Variants in ZC3H14 observed in about 807,000 individuals in gnomAD.
The protein encoded by ZC3H14 is zinc finger CCCH domain-containing protein 14.
ZC3H14 carries 31 observed loss-of-function variants against 92.4 expected under a neutral mutation model. The ratio of observed to expected loss-of-function variants is 0.34; its 90% CI spans 0.25 to 0.45. ZC3H14 has a LOEUF of 0.45. Ranked by LOEUF, ZC3H14 falls within the 20% of genes least tolerant of loss-of-function variation. The probability of loss-of-function intolerance (pLI) is 1.00; values close to 1 mark genes in which losing one functional copy is unlikely to be tolerated. For synonymous variants in ZC3H14, 321 were observed against 300.9 expected (o/e 1.07, Z -0.69); for missense variants, 781 against 897.3 (o/e 0.87, Z 1.66).
intron 10 of ZC3H14, among the ~76,000 whole-genome samples, chr14:88,598,800 A>G (rs2084208957): frequency 6.6e-6 from 1 of 152,150 alleles, no homozygotes; most frequent in South Asian, 2.1e-4. Context: ...AACCAAGAAA[A>G]CAGTGGCCAG....
chr14:88,610,866 G>A lies in ZC3H14; in HGVS notation c.2130G>A (p.Pro710=), dbSNP rs149865117. The A allele has an allele frequency of 5.5e-4, 880 of 1,613,912 alleles. 1 individual carries two copies. Among genetic ancestry groups the A allele is most frequent in the Non-Finnish European group, 5.3e-4 (624 of 1,180,006 alleles). ...GGTTTAACACTCAATGTACAAGACCGGACTGCACATTCTACCATCCCACCA... is the reference window on the plus strand; with the variant it reads ...GGTTTAACACTCAATGTACAAGACCAGACTGCACATTCTACCATCCCACCA... ...HCRFNTQCTR[P]DCTFYHPTIN... Residue 710 remains proline, a synonymous_variant, in exon 16 of 17, where the codon CCG becomes CCA. Coordinates refer to ENST00000251038, the MANE Select transcript of ZC3H14 (RefSeq NM_024824.5).
chr14:88,576,699 G>A (rs2081202009), intron 8 of ZC3H14, among the ~76,000 whole-genome samples: 1 of 152,136 alleles, frequency 6.6e-6, no homozygotes, highest in African/African-American at 2.4e-5. Flanking sequence ...TTTGGTGGGT[G>A]TACTTACAGC....
chr14:88,611,032 T>G, intron 16 of ZC3H14, 92 bp downstream of exon 16: 2 of 1,254,188 alleles, frequency 1.6e-6, no homozygotes, highest in South Asian at 2.5e-5. Context: ...AATTGGAAAC[T>G]AGACTGTTAC....
rs562144058 is a variant in ZC3H14 at position 88,609,776 on chromosome 14, G to A, written c.2070G>A (p.Lys690=). The A allele has an allele frequency of 3.0e-5, 48 of 1,614,106 alleles. No individual in the cohort carries two copies. The South Asian group carries it at 4.4e-4, about 15-fold the overall frequency. The change falls in exon 15 of 17, where the codon AAG becomes AAA. Residue 690 remains lysine (K), a synonymous_variant. Coordinates refer to ENST00000251038, the MANE Select transcript of ZC3H14 (RefSeq NM_024824.5). The part of the protein sequence containing the change: ...QLCRYFPACK[K]MECPFYHPKH... Reference sequence around the variant, plus strand: ...GCCGTTACTTCCCTGCTTGTAAGAAGATGGAATGTCCCTTCTATCATCCAA... The same window carrying A: ...GCCGTTACTTCCCTGCTTGTAAGAAAATGGAATGTCCCTTCTATCATCCAA...
intron 16 of ZC3H14, 125 bp downstream of exon 16, chr14:88,611,065 T>C: frequency 1.0e-6 from 1 of 953,808 alleles, no homozygotes; most frequent in Non-Finnish European, 1.6e-6. Flanking sequence ...TCTTTGCTGT[T>C]TAATTATAGA....
Position 88,620,711 on chromosome 14 carries a change from A to T in ZC3H14, c.*8960A>T. The stretch of plus-strand genomic sequence containing the variant: ...TGGAAAATTTTACAAATGGAAGTTA[A>T]ATCAAGTATATACTAGAAACTCTAT... On this transcript the variant is annotated 3_prime_UTR_variant, in exon 17 of 17. Transcript: ENST00000251038. The surrounding 1 kb of genome is among the most constrained non-coding windows in gnomAD (Gnocchi z 4.3). 7.1e-7 allele frequency: 1 copy of T among 1,408,952 alleles called. No individual in the cohort carries two copies. The highest frequency in any genetic ancestry group is 9.3e-7 in the Non-Finnish European group (1 of 1,078,470). 87.3% of individuals were successfully genotyped at this position (1,408,952 alleles called of 1,614,324 possible).
chr14:88,608,191 C>G, intron 13 of ZC3H14: 1 of 434,962 alleles, frequency 2.3e-6, no homozygotes, highest in African/African-American at 2.3e-5. Context: ...TCTCACCCTG[C>G]AAGTACCATC....
chr14:88,624,969 C>T lies in ZC3H14; in HGVS notation c.*13218C>T, dbSNP rs1433161976. The T allele has an allele frequency of 3.1e-6, 5 of 1,612,926 alleles. No individual in the cohort carries two copies. The highest frequency in any genetic ancestry group is 3.4e-6 in the Non-Finnish European group (4 of 1,179,478). On this transcript the variant is annotated 3_prime_UTR_variant, in exon 17 of 17. Transcript: ENST00000251038. Reference sequence around the variant, plus strand: ...ATTCTGTGAAAAGAAAGAGGACTCACGGCCTTTCCTTTCCCCCAGTCACGA... The same window carrying T: ...ATTCTGTGAAAAGAAAGAGGACTCATGGCCTTTCCTTTCCCCCAGTCACGA...
At position 88,587,971 on chromosome 14, in the gene ZC3H14, C is replaced by T. The variant is rs999938779; in HGVS notation, c.1280-8763C>T. Among the ~76,000 whole-genome samples, 31 of 152,218 alleles carry T rather than the reference C, an allele frequency of 2.0e-4. 1 individual carries two copies. The highest frequency in any genetic ancestry group is 7.2e-4 in the African/African-American group (30 of 41,538). On this transcript the variant is annotated intron_variant, in intron 9 of 16. Transcript: ENST00000251038. The stretch of plus-strand genomic sequence containing the variant: ...AATTTTAAAGACTATATAAATATTA[C>T]AAGGCCAAATTTACATTCTGTTTCT...
chr14:88,591,749 G>C lies in ZC3H14; in HGVS notation c.1280-4985G>C, dbSNP rs576749009. 3.3e-5 allele frequency: 5 copies of C among 152,212 alleles called. No homozygotes were observed. In the East Asian group the frequency reaches 5.8e-4, roughly 18 times the overall value. The allele number at this position is 152,212 out of a possible 1,614,324, so 9.4% of individuals were successfully genotyped here. ...CATGTGCACCCTTTGTATATAAAGT[G>C]GAATTACATGTTTACTTACGCACAC... On this transcript the variant is annotated intron_variant, in intron 9 of 16. Coordinates refer to ENST00000251038, the MANE Select transcript of ZC3H14 (RefSeq NM_024824.5).
chr14:88,574,661 A>AT (rs762604597), intron 6 of ZC3H14, 32 bp from the exon 7 acceptor site: 34 of 1,613,350 alleles, frequency 2.1e-5, no homozygotes, highest in Non-Finnish European at 2.9e-5. Context: ...ATTTTCTGAG[A>AT]TTAGGTAAGC....
In ZC3H14 at chr14:88,619,116, A is replaced by C. The variant is rs976049000; in HGVS notation, c.*7365A>C. ...CCCAGTGGCTCACACCTATAATCCC[A>C]GAACTTTGGGAAGCGGAGGCGGGCA... On this transcript the variant is annotated 3_prime_UTR_variant, in exon 17 of 17. Coordinates refer to ENST00000251038, the MANE Select transcript of ZC3H14 (RefSeq NM_024824.5). The C allele has an allele frequency of 5.3e-6, 1 of 188,724 alleles. No homozygotes were observed. Among genetic ancestry groups the C allele is most frequent in the African/African-American group, 2.3e-5 (1 of 42,562 alleles). The allele number at this position is 188,724 out of a possible 1,614,324, so 11.7% of individuals were successfully genotyped here. A position where few individuals can be genotyped will look rare whatever the true frequency, so the allele number is the denominator to read the frequency against.
chr14:88,573,590 G>T (rs894883854), intron 6 of ZC3H14: 5 of 151,774 alleles, frequency 3.3e-5, no homozygotes, highest in African/African-American at 1.2e-4. Flanking sequence ...ACCATGCCTG[G>T]CTAATTTTTT....
intron 9 of ZC3H14, among the ~76,000 whole-genome samples, chr14:88,580,034 CA>C: frequency 6.6e-6 from 1 of 152,116 alleles, no homozygotes; most frequent in African/African-American, 2.4e-5. Flanking sequence ...CCTGTCTCGA[CA>C]AAAAATAAAA....
chr14:88,581,324 C>T (rs1386899142), intron 9 of ZC3H14, among the ~76,000 whole-genome samples: 5 of 151,990 alleles, frequency 3.3e-5, no homozygotes, highest in African/African-American at 9.7e-5. Flanking sequence ...TTTGGGAAGC[C>T]GAGGTGGGCA....
Position 88,621,066 on chromosome 14 carries a change from T to A in ZC3H14, c.*9315T>A. ...CTAGCAATTTAGAACTTCCAACTTTTCTTTTTAGAAGTTGTAACCTCTTTT... is the reference window on the plus strand; with the variant it reads ...CTAGCAATTTAGAACTTCCAACTTTACTTTTTAGAAGTTGTAACCTCTTTT... On this transcript the variant is annotated 3_prime_UTR_variant, in exon 17 of 17. Transcript: ENST00000251038. 1 of 1,554,998 alleles carries A rather than the reference T, an allele frequency of 6.4e-7. No individual in the cohort carries two copies. Among genetic ancestry groups the A allele is most frequent in the Non-Finnish European group, 8.7e-7 (1 of 1,152,452 alleles).
At position 88,623,450 on chromosome 14, in the gene ZC3H14, T is replaced by A. The variant is rs915520430; in HGVS notation, c.*11699T>A. 3 of 152,124 alleles carry A rather than the reference T, an allele frequency of 2.0e-5. No homozygotes were observed. The highest frequency in any genetic ancestry group is 7.2e-5 in the African/African-American group (3 of 41,424). 9.4% of individuals were successfully genotyped at this position (152,124 alleles called of 1,614,324 possible). ...TTATTTATTTTTTTGAGACAGAGTG[T>A]CGCTCTGTCACCTGGCCTGGAGTGC... On this transcript the variant is annotated 3_prime_UTR_variant, in exon 17 of 17. Coordinates refer to ENST00000251038, the MANE Select transcript of ZC3H14 (RefSeq NM_024824.5).
In ZC3H14 at chr14:88,621,175, T is replaced by C. The variant is rs747054035; in HGVS notation, c.*9424T>C. On this transcript the variant is annotated 3_prime_UTR_variant, in exon 17 of 17. Transcript: ENST00000251038. ...TCTGCAGCAGAAAGGAAAAAATCCC[T>C]GGAAGGATGTGTTGCTAGTCCCCAG... 5 of 1,613,944 alleles carry C rather than the reference T, an allele frequency of 3.1e-6. No individual in the cohort carries two copies. In the South Asian group the frequency reaches 4.4e-5, roughly 14 times the overall value.
At chr14:88,611,657 A>T (rs2086803306) in intron 16 of ZC3H14, 88 bp from the exon 17 acceptor site, 9 of 1,515,896 alleles carry the variant, frequency 5.9e-6, no homozygotes, top group Non-Finnish European at 8.2e-6. Context: ...TTTATTGCTT[A>T]AAACTAGTCA....
Sources: gnomAD v4.1 joint callset for allele counts (sites outside exome capture counted in the v4.1 genomes callset) on GRCh38, gnomAD v4.1.1 for gene constraint, Gnocchi (gnomAD v3.1) non-coding constraint, MANE v1.5 for transcripts, NCBI Gene and HGNC (gene_info 2026-07-23, HGNC 2026-07-21) for gene names.